Variants in EME2 observed in about 807,000 individuals in gnomAD.
EME2 encodes essential meiotic structure-specific endonuclease subunit 2.
A neutral mutation model predicts 41.9 loss-of-function variants in EME2; 58 were observed. That is an observed-to-expected ratio of 1.38 (90% CI 1.12 to 1.72). The LOEUF is 1.72. EME2 is among the 40% of genes most tolerant of loss of function. The pLI is 0.00. For missense variants in EME2, 695 were observed against 541.9 expected, an observed-to-expected ratio of 1.28 and a Z score of -2.81; for synonymous variants, 334 against 239.3, an observed-to-expected ratio of 1.40 and a Z score of -3.65.
In EME2 at chr16:1,779,922, A is replaced by T. The variant is rs1287384671; in HGVS notation, c.*3684A>T. ...CTCCCTGGCTGGAGCAGGGAGCTCC[A>T]GGAGACCTCAGGACGGCCCCCACCC... On this transcript the variant is annotated 3_prime_UTR_variant, in exon 8 of 8. Transcript: ENST00000568449. 2 of 152,214 alleles carry T rather than the reference A, an allele frequency of 1.3e-5. No individual in the cohort carries two copies. The highest frequency in any genetic ancestry group is 1.3e-4 in the Admixed American group (2 of 15,282). The allele number at this position is 152,214 out of a possible 1,614,324, so 9.4% of individuals were successfully genotyped here. A position where few individuals can be genotyped will look rare whatever the true frequency, so the allele number is the denominator to read the frequency against.
At chr16:1,774,948 C>A in intron 3 of EME2, 93 bp from the exon 4 acceptor site, 1 of 985,604 alleles carries the variant, frequency 1.0e-6, no homozygotes, top group Non-Finnish European at 1.5e-6. Flanking sequence ...CTTTTTCAGG[C>A]TTGCTGTTCT....
At position 1,781,377 on chromosome 16, in the gene EME2, C is replaced by T. The variant is rs754935596; in HGVS notation, c.*5139C>T. 17 of 1,612,798 alleles carry T rather than the reference C, an allele frequency of 1.1e-5. No individual in the cohort carries two copies. The highest frequency in any genetic ancestry group is 1.6e-4 in the Middle Eastern group (1 of 6,084). ...ACCTACCTGCCCATCAGAGTCGTAG[C>T]CCCAGTTAGTGGAGCCTGCTAGAGC... On this transcript the variant is annotated 3_prime_UTR_variant, in exon 8 of 8. Transcript: ENST00000568449.
Position 1,778,594 on chromosome 16 carries a change from C to A in EME2, c.*2356C>A. ...GGCGGCAGCGTGGAGTACTCGGGGT[C>A]GGAGTCCGAGTCGCTGTGCTGGGAG... On this transcript the variant is annotated 3_prime_UTR_variant, in exon 8 of 8. Coordinates refer to ENST00000568449, the MANE Select transcript of EME2 (RefSeq NM_001257370.2). The A allele has an allele frequency of 6.4e-7, 1 of 1,573,420 alleles. No individual in the cohort carries two copies. The highest frequency in any genetic ancestry group is 8.6e-7 in the Non-Finnish European group (1 of 1,156,164).
At position 1,781,619 on chromosome 16, in the gene EME2, G is replaced by A; in HGVS notation, c.*5381G>A. ...AGGGGCCGCACCGGTGCCCAGCCAG[G>A]GCTCCAGAACGCTTCAGGAGCCCGT... On this transcript the variant is annotated 3_prime_UTR_variant, in exon 8 of 8. Coordinates refer to ENST00000568449, the MANE Select transcript of EME2 (RefSeq NM_001257370.2). 9.3e-7 allele frequency: 1 copy of A among 1,070,284 alleles called. No homozygotes were observed. Among genetic ancestry groups the A allele is most frequent in the South Asian group, 1.6e-5 (1 of 61,378 alleles). 66.3% of individuals were successfully genotyped at this position (1,070,284 alleles called of 1,614,324 possible). A position where few individuals can be genotyped will look rare whatever the true frequency, so the allele number is the denominator to read the frequency against.
At position 1,778,076 on chromosome 16, in the gene EME2, C is replaced by G. The variant is rs200328531; in HGVS notation, c.*1838C>G. The G allele has an allele frequency of 6.2e-7, 1 of 1,612,888 alleles. No homozygotes were observed. The highest frequency in any genetic ancestry group is 8.5e-7 in the Non-Finnish European group (1 of 1,179,988). ...AGGAACAGGGGCCAGGCAGAGGGCG[C>G]GGGGCTGGGCTGCCGGAGCCAGGTT... On this transcript the variant is annotated 3_prime_UTR_variant, in exon 8 of 8. Transcript: ENST00000568449.
Position 1,776,148 on chromosome 16 carries a change from T to A in EME2, c.1050T>A (p.Arg350=). ...CTGTGCCGCCCAGTGAAGGCGGGCGTCCCCGCAGGGTGGGGCCTGACCTCT... is the reference window on the plus strand; with the variant it reads ...CTGTGCCGCCCAGTGAAGGCGGGCGACCCCGCAGGGTGGGGCCTGACCTCT... ...DLPVPPSEGG[R]PRRVGPDLSR... Residue 350 remains arginine (R), a synonymous_variant, in exon 8 of 8, where the codon CGT becomes CGA. Transcript: ENST00000568449. 1 of 1,612,336 alleles carries A rather than the reference T, an allele frequency of 6.2e-7. No individual in the cohort carries two copies. Among genetic ancestry groups the A allele is most frequent in the Non-Finnish European group, 8.5e-7 (1 of 1,179,906 alleles).
chr16:1,774,373 G>A (rs1218417481), intron 3 of EME2, 21 bp downstream of exon 3: 2 of 1,604,510 alleles, frequency 1.2e-6, no homozygotes, highest in Non-Finnish European at 8.5e-7. Flanking sequence ...GGTGGCAGTA[G>A]TCCCTCTCTA....
Position 1,775,649 on chromosome 16 carries a change from C to G in EME2, c.744C>G (p.Cys248Trp). The G allele has an allele frequency of 6.2e-7, 1 of 1,612,922 alleles. No homozygotes were observed. The highest frequency in any genetic ancestry group is 8.5e-7 in the Non-Finnish European group (1 of 1,180,030). The change falls in exon 6 of 8, where the codon TGC (cysteine) becomes TGG (tryptophan). Residue 248 changes from cysteine (C) to tryptophan (W), a missense_variant. Physicochemically the swap from Cys to Trp is radical, Grantham distance 215. Transcript: ENST00000568449. ...ASWQELSRHV[C>W]AVTKALAQYP... ...GGCAGGAGCTGAGTCGGCACGTGTGCGCCGTTACCAAGGCTCTCGCCCAGT... is the reference window on the plus strand; with the variant it reads ...GGCAGGAGCTGAGTCGGCACGTGTGGGCCGTTACCAAGGCTCTCGCCCAGT...
In EME2 at chr16:1,773,482, G is replaced by C; in HGVS notation, c.247+8G>C. On this transcript the variant is annotated splice_region_variant and intron_variant, in intron 1 of 7. Transcript: ENST00000568449. ...CGGTGTGCGTGGACACAGGTGCGGC[G>C]GAGGGCACGGGCGATACTCGGGGTA... is the stretch of plus-strand genomic sequence containing the variant. 1 of 1,578,654 alleles carries C rather than the reference G, an allele frequency of 6.3e-7. No individual in the cohort carries two copies.
Position 1,778,294 on chromosome 16 carries a change from T to C in EME2, c.*2056T>C, listed in dbSNP as rs760930732. On this transcript the variant is annotated 3_prime_UTR_variant, in exon 8 of 8. Coordinates refer to ENST00000568449, the MANE Select transcript of EME2 (RefSeq NM_001257370.2). ...GCTCAGCAGGGTGGCTGATGACTTATTTAAGTCATCCCAGACCCAGTCGAA... is the reference window on the plus strand; with the variant it reads ...GCTCAGCAGGGTGGCTGATGACTTACTTAAGTCATCCCAGACCCAGTCGAA... The C allele has an allele frequency of 6.2e-6, 10 of 1,612,476 alleles. No homozygotes were observed. Among genetic ancestry groups the C allele is most frequent in the African/African-American group, 1.3e-5 (1 of 74,920 alleles).
At position 1,772,968 on chromosome 16, in the gene EME2, G is replaced by A. The variant is rs1471580766; in HGVS notation, c.-260G>A. On this transcript the variant is annotated 5_prime_UTR_variant, in exon 1 of 8. Transcript: ENST00000568449. ...GCGCACGTCGGCCCAGGCCCGGACC[G>A]GCAGCCGGCGTCCAGAGAACGGCCG... 1 of 1,447,206 alleles carries A rather than the reference G, an allele frequency of 6.9e-7. No homozygotes were observed. Among genetic ancestry groups the A allele is most frequent in the African/African-American group, 1.5e-5 (1 of 66,836 alleles). The allele number at this position is 1,447,206 out of a possible 1,614,324, so 89.6% of individuals were successfully genotyped here. A position where few individuals can be genotyped will look rare whatever the true frequency, so the allele number is the denominator to read the frequency against.
rs759571598 is a variant in EME2, at chr16:1,776,283, C to T, written c.*45C>T. ...GACAGCATGCAGCCTTGGGGACAGA[C>T]CAGACACCCTGGGCGGTGGGGGAGG... On this transcript the variant is annotated 3_prime_UTR_variant, in exon 8 of 8. Transcript: ENST00000568449. 1.3e-6 allele frequency: 2 copies of T among 1,593,756 alleles called. No homozygotes were observed. The highest frequency in any genetic ancestry group is 3.4e-5 in the Admixed American group (2 of 58,724).
At position 1,781,201 on chromosome 16, in the gene EME2, G is replaced by A; in HGVS notation, c.*4963G>A. 1.3e-6 allele frequency: 2 copies of A among 1,557,698 alleles called. No individual in the cohort carries two copies. Among genetic ancestry groups the A allele is most frequent in the Non-Finnish European group, 1.7e-6 (2 of 1,158,528 alleles). The stretch of plus-strand genomic sequence containing the variant: ...AAATTAAAGAGTCTTACTGAATGCG[G>A]TGCATCCAGGAGACAGGCCCAGGTT... On this transcript the variant is annotated 3_prime_UTR_variant, in exon 8 of 8. Coordinates refer to ENST00000568449, the MANE Select transcript of EME2 (RefSeq NM_001257370.2).
In EME2 at chr16:1,776,258, G is replaced by A. The variant is rs367751493; in HGVS notation, c.*20G>A. 1.6e-5 allele frequency: 26 copies of A among 1,611,050 alleles called. No homozygotes were observed. In the African/African-American group the frequency reaches 2.8e-4, roughly 17 times the overall value. On this transcript the variant is annotated 3_prime_UTR_variant, in exon 8 of 8. Transcript: ENST00000568449. The stretch of plus-strand genomic sequence containing the variant: ...TCCTGACCACACGTGGGACCACCAG[G>A]ACAGCATGCAGCCTTGGGGACAGAC...
rs375261591 is a variant in EME2 at position 1,778,096 on chromosome 16, C to G, written c.*1858C>G. On this transcript the variant is annotated 3_prime_UTR_variant, in exon 8 of 8. Transcript: ENST00000568449. ...GGGCGCGGGGCTGGGCTGCCGGAGC[C>G]AGGTTCCCCAGAAGCACCCTGGGCC... is the stretch of plus-strand genomic sequence containing the variant. The G allele has an allele frequency of 6.8e-6, 11 of 1,612,940 alleles. No individual in the cohort carries two copies. The highest frequency in any genetic ancestry group is 8.5e-6 in the Non-Finnish European group (10 of 1,179,946).
At position 1,777,679 on chromosome 16, in the gene EME2, C is replaced by G; in HGVS notation, c.*1441C>G. ...TCAGAAAACCTCAGTGTCCCCTGGG[C>G]TGGGGCGGGGTGGCTGCCTCCCTCG... On this transcript the variant is annotated 3_prime_UTR_variant, in exon 8 of 8. Transcript: ENST00000568449. The G allele has an allele frequency of 6.3e-7, 1 of 1,592,240 alleles. No homozygotes were observed. The highest frequency in any genetic ancestry group is 8.6e-7 in the Non-Finnish European group (1 of 1,168,590).
In EME2 at chr16:1,773,087, G is replaced by C; in HGVS notation, c.-141G>C. 1.4e-6 allele frequency: 2 copies of C among 1,408,728 alleles called. No individual in the cohort carries two copies. Among genetic ancestry groups the C allele is most frequent in the Non-Finnish European group, 1.8e-6 (2 of 1,085,896 alleles). 87.3% of individuals were successfully genotyped at this position (1,408,728 alleles called of 1,614,324 possible). On this transcript the variant is annotated 5_prime_UTR_variant, in exon 1 of 8. Transcript: ENST00000568449. ...CGCGCACGCGGCGGGCCAGCTCCGC[G>C]ATCAGCCGCGGACGCACCTTCTTCC...
In EME2 at chr16:1,778,666, C is replaced by A; in HGVS notation, c.*2428C>A. ...CTGTTGCCCGCTCTCTACCCTCTCA[C>A]CCTTGCCCTCTGTCCCTGTCCCACC... On this transcript the variant is annotated 3_prime_UTR_variant, in exon 8 of 8. Transcript: ENST00000568449. The A allele has an allele frequency of 6.6e-7, 1 of 1,504,692 alleles. No homozygotes were observed. The highest frequency in any genetic ancestry group is 2.3e-5 in the East Asian group (1 of 43,834). 93.2% of individuals were successfully genotyped at this position (1,504,692 alleles called of 1,614,324 possible). A position where few individuals can be genotyped will look rare whatever the true frequency, so the allele number is the denominator to read the frequency against.
At position 1,778,224 on chromosome 16, in the gene EME2, G is replaced by A; in HGVS notation, c.*1986G>A. 1.9e-6 allele frequency: 3 copies of A among 1,612,978 alleles called. No individual in the cohort carries two copies. Among genetic ancestry groups the A allele is most frequent in the Non-Finnish European group, 2.5e-6 (3 of 1,179,972 alleles). ...CCTTGGTGCCCCGGATGGCCGCTGTGCCGCAGCTGTACTCCATGTGGAAGC... is the reference window on the plus strand; with the variant it reads ...CCTTGGTGCCCCGGATGGCCGCTGTACCGCAGCTGTACTCCATGTGGAAGC... On this transcript the variant is annotated 3_prime_UTR_variant, in exon 8 of 8. Transcript: ENST00000568449.
Sources: gnomAD v4.1 joint callset for allele counts on GRCh38, gnomAD v4.1.1 for gene constraint, MANE v1.5 for transcripts, NCBI Gene and HGNC (gene_info 2026-07-23, HGNC 2026-07-21) for gene names.